Variants in MYO1D observed in about 807,000 individuals in gnomAD.
MYO1D encodes the protein unconventional myosin-Id.
A neutral mutation model predicts 122.0 loss-of-function variants in MYO1D; 83 were observed. The ratio of observed to expected loss-of-function variants is 0.68; its 90% CI spans 0.57 to 0.82. MYO1D has a LOEUF of 0.82. Ranked by LOEUF, MYO1D falls within the 40% of genes least tolerant of loss-of-function variation. MYO1D has a pLI of 0.00. For missense variants in MYO1D, 1,157 were observed against 1,269.5 expected (o/e 0.91, Z 1.35); for synonymous variants, 464 against 446.9 (o/e 1.04, Z -0.48).
intron 3 of MYO1D, among the ~76,000 whole-genome samples, chr17:32,777,737 A>C (rs994955963): frequency 6.6e-6 from 1 of 151,990 alleles, no homozygotes; most frequent in Non-Finnish European, 1.5e-5. Context: ...CGAGGTCAGG[A>C]GATCGAGACC....
chr17:32,494,794 G>T lies in MYO1D; in HGVS notation c.2986C>A (p.Arg996Ser), dbSNP rs147891497. 1 of 1,612,390 alleles carries T rather than the reference G, an allele frequency of 6.2e-7. No individual in the cohort carries two copies. The highest frequency in any genetic ancestry group is 1.1e-5 in the South Asian group (1 of 90,870). The change falls in exon 22 of 22, where the codon CGC becomes AGC. Residue 996 changes from arginine to serine, a missense_variant. Arg to Ser is a moderately radical substitution (Grantham distance 110). Coordinates refer to ENST00000318217, the MANE Select transcript of MYO1D (RefSeq NM_015194.3). ...GGCACGCTGAGGATGAAGCCCGAGCGATTCTTGGTGAAGTCGGGCTGGGGC... is the reference window on the plus strand; with the variant it reads ...GGCACGCTGAGGATGAAGCCCGAGCTATTCTTGGTGAAGTCGGGCTGGGGC... ...NQPQPDFTKNRSGFILSVPGN is the reference protein window; with the variant it reads ...NQPQPDFTKNSSGFILSVPGN
intron 16 of MYO1D, among the ~76,000 whole-genome samples, chr17:32,668,325 C>T (rs1419565902): frequency 1.3e-5 from 2 of 152,192 alleles, no homozygotes; most frequent in South Asian, 2.1e-4. Context: ...TGTCTGATAG[C>T]GAGGTGGCTT....
chr17:32,552,416 CCACCCAT>C (rs1331678964), intron 21 of MYO1D, among the ~76,000 whole-genome samples: 120 of 145,218 alleles, frequency 8.3e-4, no homozygotes, highest in Middle Eastern at 6.9e-3. Flanking sequence ...ATCCATCCAT[CCACCCAT>C]CCATCCATCC....
chr17:32,630,137 C>G (rs1390643112), intron 20 of MYO1D, among the ~76,000 whole-genome samples: 1 of 152,016 alleles, frequency 6.6e-6, no homozygotes, highest in Non-Finnish European at 1.5e-5. Flanking sequence ...TGTATATACA[C>G]AGATTATACA....
chr17:32,746,194 A>AT (rs1194176759), intron 12 of MYO1D, among the ~76,000 whole-genome samples: 3 of 152,308 alleles, frequency 2.0e-5, no homozygotes, highest in East Asian at 3.9e-4. Flanking sequence ...TAAGGTTACC[A>AT]TACCCAAAAT....
In MYO1D at chr17:32,494,452, G is replaced by A. The variant is rs1286536671; in HGVS notation, c.*307C>T. The A allele has an allele frequency of 8.8e-6, 3 of 342,032 alleles. No individual in the cohort carries two copies. The highest frequency in any genetic ancestry group is 1.6e-5 in the Non-Finnish European group (3 of 184,572). The allele number at this position is 342,032 out of a possible 1,614,324, so 21.2% of individuals were successfully genotyped here. A position where few individuals can be genotyped will look rare whatever the true frequency, so the allele number is the denominator to read the frequency against. ...AGGTGCTCTGACTTGACCTGGCCAC[G>A]GGGCATCCGCACCAACTAAAGGCAC... On this transcript the variant is annotated 3_prime_UTR_variant, in exon 22 of 22. Coordinates refer to ENST00000318217, the MANE Select transcript of MYO1D (RefSeq NM_015194.3).
chr17:32,724,141 A>C (rs2089544099), intron 14 of MYO1D, among the ~76,000 whole-genome samples: 1 of 152,148 alleles, frequency 6.6e-6, no homozygotes, highest in Admixed American at 6.5e-5. Flanking sequence ...TGTTTACTTA[A>C]GGATTTTCTA....
chr17:32,618,760 G>A (rs559031470), intron 20 of MYO1D, among the ~76,000 whole-genome samples: 96 of 151,382 alleles, frequency 6.3e-4, no homozygotes, highest in African/African-American at 2.2e-3. Flanking sequence ...TCAGCCTCCC[G>A]AGTAGCTGGG....
At chr17:32,597,517 T>C (rs1351457255) in intron 21 of MYO1D, among the ~76,000 whole-genome samples, 1 of 152,166 alleles carries the variant, frequency 6.6e-6, no homozygotes, top group African/African-American at 2.4e-5. Flanking sequence ...GAGATATCTA[T>C]ATATCTATCT....
intron 1 of MYO1D, among the ~76,000 whole-genome samples, chr17:32,852,522 C>G (rs2090998083): frequency 6.6e-6 from 1 of 152,164 alleles, no homozygotes; most frequent in East Asian, 1.9e-4. Flanking sequence ...GAAAATAATT[C>G]TCATACAGAC....
At chr17:32,778,638 T>G (rs894370503) in intron 2 of MYO1D, 65 bp from the exon 3 acceptor site, 1 of 1,336,464 alleles carries the variant, frequency 7.5e-7, no homozygotes. Flanking sequence ...TAATTTTTAA[T>G]AGAATAATTT....
chr17:32,645,514 A>G (rs2088276521), intron 19 of MYO1D, among the ~76,000 whole-genome samples: 1 of 150,662 alleles, frequency 6.6e-6, no homozygotes, highest in South Asian at 2.1e-4. Flanking sequence ...ACTTGGTTAC[A>G]CTCTCCCTGT....
chr17:32,594,638 A>C, intron 21 of MYO1D: 3 of 597,338 alleles, frequency 5.0e-6, no homozygotes, highest in Middle Eastern at 3.9e-4. Context: ...TAATATCTAT[A>C]TCTCTCTTAC....
At chr17:32,550,519 A>G (rs1047320933) in intron 21 of MYO1D, among the ~76,000 whole-genome samples, 6 of 152,214 alleles carry the variant, frequency 3.9e-5, no homozygotes, top group Admixed American at 2.0e-4. Flanking sequence ...TTCCACAGCT[A>G]ATCACAGAGG....
At chr17:32,855,729 C>A (rs931679058) in intron 1 of MYO1D, among the ~76,000 whole-genome samples, 2 of 152,150 alleles carry the variant, frequency 1.3e-5, no homozygotes, top group Non-Finnish European at 2.9e-5. Flanking sequence ...TCTTTGGCAA[C>A]TATTACAAAT....
At chr17:32,599,209 T>C (rs1390896199) in intron 21 of MYO1D, among the ~76,000 whole-genome samples, 2 of 152,232 alleles carry the variant, frequency 1.3e-5, no homozygotes, top group African/African-American at 4.8e-5. Flanking sequence ...ACTAAGTTTA[T>C]ATAATATTTT....
chr17:32,773,235 C>G (rs571454178), intron 4 of MYO1D, among the ~76,000 whole-genome samples: 1 of 152,212 alleles, frequency 6.6e-6, no homozygotes, highest in African/African-American at 2.4e-5. Flanking sequence ...CCTCTTTCTC[C>G]TTTCAATTTC....
intron 20 of MYO1D, among the ~76,000 whole-genome samples, chr17:32,630,906 G>A (rs2087996680): frequency 6.6e-6 from 1 of 152,088 alleles, no homozygotes; most frequent in South Asian, 2.1e-4. Flanking sequence ...TTCTCTCCTT[G>A]CCTTGTAGAT....
chr17:32,532,202 CCT>C (rs1185447141), intron 21 of MYO1D, among the ~76,000 whole-genome samples: 1 of 152,186 alleles, frequency 6.6e-6, no homozygotes, highest in Admixed American at 6.5e-5. Context: ...AAAACAGCCC[CCT>C]CTGTGAATTA....
Sources: allele counts gnomAD v4.1 joint callset (sites outside exome capture counted in the v4.1 genomes callset), GRCh38; gene constraint gnomAD v4.1.1; transcripts MANE v1.5; gene names NCBI Gene and HGNC (gene_info 2026-07-23, HGNC 2026-07-21).